ETHE1: variants seen among roughly 807,000 people sequenced by gnomAD.
The protein encoded by ETHE1 is persulfide dioxygenase ETHE1, mitochondrial.
Under a neutral mutation model 25.7 loss-of-function variants are expected in ETHE1, and 16 were observed. The observed-to-expected ratio is 0.62, with a 90% CI of 0.42 to 0.95. The LOEUF (loss-of-function observed/expected upper bound fraction) is 0.95. ETHE1 is among the 40% of genes least tolerant of loss of function. ETHE1 has a pLI of 0.00. For missense variants in ETHE1, 300 were observed against 333.6 expected (o/e 0.90, Z 0.79); for synonymous variants, 139 against 135.9 (o/e 1.02, Z -0.16).
At chr19:43,521,004 GCT>G (rs750303815) in intron 3 of ETHE1, among the ~76,000 whole-genome samples, 19 of 152,076 alleles carry the variant, frequency 1.2e-4, no homozygotes, top group Non-Finnish European at 1.8e-4. Flanking sequence ...CCCTGTGGCA[GCT>G]AAGATGTTCA....
At chr19:43,518,590 CA>C (rs569385602) in intron 3 of ETHE1, among the ~76,000 whole-genome samples, 82 of 142,644 alleles carry the variant, frequency 5.7e-4, no homozygotes, top group East Asian at 3.5e-3. Context: ...ACTAAAAATA[CA>C]AAAAAAAAAA....
At chr19:43,524,635 C>G (rs1418457664) in intron 3 of ETHE1, among the ~76,000 whole-genome samples, 1 of 151,870 alleles carries the variant, frequency 6.6e-6, no homozygotes, top group Non-Finnish European at 1.5e-5. Flanking sequence ...GAGATTACAG[C>G]TCAACAAAAA....
At chr19:43,515,883 GT>G (rs111531942) in intron 3 of ETHE1, among the ~76,000 whole-genome samples, 2 of 151,188 alleles carry the variant, frequency 1.3e-5, no homozygotes, top group East Asian at 1.9e-4. Flanking sequence ...GCCAATCTAT[GT>G]TTTTTTTTCA....
In ETHE1 at chr19:43,508,042, A is replaced by T; in HGVS notation, c.614T>A (p.Val205Glu). ...HDYHGFTVST[V>E]EEERTLNPRL... ...AGGGTTCAGAGTCCTCTCCTCCTCC[A>T]CGGTGGACACTGTGAACCCTAGGGG... Residue 205 changes from valine (V) to glutamate (E), a missense_variant, in exon 6 of 7, where the codon GTG (valine) becomes GAG (glutamate). Coordinates refer to ENST00000292147, the MANE Select transcript of ETHE1 (RefSeq NM_014297.5). 3 of 1,614,024 alleles carry T rather than the reference A, an allele frequency of 1.9e-6. No individual in the cohort carries two copies. The highest frequency in any genetic ancestry group is 1.7e-6 in the Non-Finnish European group (2 of 1,180,010).
At chr19:43,516,181 T>C (rs148107255) in intron 3 of ETHE1, among the ~76,000 whole-genome samples, 52 of 152,318 alleles carry the variant, frequency 3.4e-4, no homozygotes, top group Non-Finnish European at 5.9e-4. Flanking sequence ...GGATCCGGAA[T>C]ATATAAAGAT....
intron 3 of ETHE1, among the ~76,000 whole-genome samples, chr19:43,520,020 T>C (rs901239576): frequency 4.2e-5 from 6 of 141,598 alleles, no homozygotes; most frequent in African/African-American, 1.6e-4. Flanking sequence ...AATACCAGCC[T>C]GGACAACATA....
chr19:43,521,698 C>T (rs1489606530), intron 3 of ETHE1, among the ~76,000 whole-genome samples: 1 of 150,248 alleles, frequency 6.7e-6, no homozygotes, highest in African/African-American at 2.4e-5. Flanking sequence ...AGAAAGAAAA[C>T]TCATTCTACA....
At chr19:43,519,250 G>A (rs1972092599) in intron 3 of ETHE1, among the ~76,000 whole-genome samples, 2 of 151,938 alleles carry the variant, frequency 1.3e-5, no homozygotes, top group Non-Finnish European at 2.9e-5. Flanking sequence ...GACCTCGGGT[G>A]ATCCGCACAC....
chr19:43,524,297 A>C (rs921019493), intron 3 of ETHE1, among the ~76,000 whole-genome samples: 3 of 152,048 alleles, frequency 2.0e-5, no homozygotes, highest in African/African-American at 4.8e-5. Context: ...AAACAAGAGA[A>C]TCACTTGAAC....
In ETHE1 at chr19:43,527,163, T is replaced by G; in HGVS notation, c.15A>C (p.Val5=). 6.5e-7 allele frequency: 1 copy of G among 1,542,078 alleles called. No homozygotes were observed. Among genetic ancestry groups the G allele is most frequent in the Non-Finnish European group, 8.7e-7 (1 of 1,148,114 alleles). Reference sequence around the variant, plus strand: ...TCAGCTGCCGCCGGGCGACCCTCAGTACAGCCTCCGCCATCGCGCCCACTG... The same window carrying G: ...TCAGCTGCCGCCGGGCGACCCTCAGGACAGCCTCCGCCATCGCGCCCACTG... MAEA[V]LRVARRQLSQ... The change falls in exon 1 of 7, where the codon GTA becomes GTC. Residue 5 remains valine (V), a synonymous_variant. Transcript: ENST00000292147.
At chr19:43,516,629 T>TC (rs1223621160) in intron 3 of ETHE1, among the ~76,000 whole-genome samples, 3 of 143,576 alleles carry the variant, frequency 2.1e-5, no homozygotes, top group African/African-American at 5.2e-5. Context: ...TTTTCTTTTT[T>TC]TTTTTTTTTT....
At chr19:43,512,901 G>A (rs550684862) in intron 3 of ETHE1, among the ~76,000 whole-genome samples, 39 of 152,182 alleles carry the variant, frequency 2.6e-4, no homozygotes, top group Non-Finnish European at 5.3e-4. Context: ...AGGTCCAAAG[G>A]ACTAGGAGAA....
chr19:43,526,571 G>C lies in ETHE1; in HGVS notation c.170C>G (p.Thr57Arg). The C allele has an allele frequency of 6.2e-7, 1 of 1,614,036 alleles. No homozygotes were observed. Among genetic ancestry groups the C allele is most frequent in the Non-Finnish European group, 8.5e-7 (1 of 1,179,978 alleles). The part of the protein sequence containing the change: ...EAVLIDPVLE[T>R]APRDAQLIKE... ...GATCAGCTGGGCATCCCGAGGCGCT[G>C]TTTCCAGGACTGGGTCGATCAGAAC... Residue 57 changes from threonine to arginine, a missense_variant, in exon 2 of 7, where the codon ACA (threonine) becomes AGA (arginine). Physicochemically the swap from Thr to Arg is moderately conservative, Grantham distance 71. Coordinates refer to ENST00000292147, the MANE Select transcript of ETHE1 (RefSeq NM_014297.5).
chr19:43,525,804 G>A, intron 3 of ETHE1: 1 of 296,288 alleles, frequency 3.4e-6, no homozygotes, highest in East Asian at 9.2e-5. Context: ...CGGGTTCTAA[G>A]CACCCAGATG....
chr19:43,526,613 C>G lies in ETHE1; in HGVS notation c.128G>C (p.Arg43Thr), dbSNP rs1568502462. The change falls in exon 2 of 7, where the codon AGA becomes ACA. Residue 43 changes from arginine to threonine, a missense_variant. Transcript: ENST00000292147. ...SCTFTYLLGD[R>T]ESREAVLIDP... The stretch of plus-strand genomic sequence containing the variant: ...GATCAGAACGGCCTCCCGGGACTCT[C>G]TGTCACCCAGCAGGTACGTGAAGGT... 1 of 1,614,128 alleles carries G rather than the reference C, an allele frequency of 6.2e-7. No homozygotes were observed. The highest frequency in any genetic ancestry group is 1.1e-5 in the South Asian group (1 of 91,078).
At chr19:43,526,921 C>A (rs756582658) in intron 1 of ETHE1, 176 bp downstream of exon 1, 333 of 1,487,426 alleles carry the variant, frequency 2.2e-4, no homozygotes, top group Non-Finnish European at 2.7e-4. Context: ...AGCCCAGAGG[C>A]CCCCAGACCA....
chr19:43,518,933 G>A (rs1360334932), intron 3 of ETHE1, among the ~76,000 whole-genome samples: 2 of 150,408 alleles, frequency 1.3e-5, no homozygotes, highest in East Asian at 2.0e-4. Flanking sequence ...GGAGAGGGGC[G>A]CGGTTCTAAA....
chr19:43,511,065 T>C (rs1382696310), intron 4 of ETHE1, among the ~76,000 whole-genome samples: 12 of 151,860 alleles, frequency 7.9e-5, no homozygotes, highest in Admixed American at 7.9e-4. Context: ...CTATCTTCCG[T>C]CTCTCCCAGA....
In ETHE1 at chr19:43,524,431, A is replaced by G. The variant is rs368354146; in HGVS notation, c.375+1770T>C. 4.0e-5 allele frequency among the ~76,000 whole-genome samples: 6 copies of G among 150,100 alleles called. No homozygotes were observed. In the Admixed American group the frequency reaches 4.0e-4, roughly 10 times the overall value. ...AAAAGTTGCCTAAGGCTGAGGGGGG[A>G]AAAGGGAAGGATAGGGGTGATGGCT... On this transcript the variant is annotated intron_variant, in intron 3 of 6. Transcript: ENST00000292147.
Sources: allele counts gnomAD v4.1 joint callset (sites outside exome capture counted in the v4.1 genomes callset), GRCh38; gene constraint gnomAD v4.1.1; transcripts MANE v1.5; gene names NCBI Gene and HGNC (gene_info 2026-07-23, HGNC 2026-07-21).